The following RNF38 variants were observed in gnomAD, a reference collection of about 807,000 sequenced individuals.
The protein encoded by RNF38 is E3 ubiquitin-protein ligase RNF38.
A neutral mutation model predicts 67.2 loss-of-function variants in RNF38; 15 were observed. The ratio of observed to expected loss-of-function variants is 0.22; its 90% CI spans 0.15 to 0.34. The LOEUF (loss-of-function observed/expected upper bound fraction) is 0.34, where lower values mean the gene tolerates loss of function less well. Among genes scored for constraint, RNF38 ranks in the 10% least tolerant of loss-of-function variants. The pLI is 1.00. For missense variants in RNF38, 524 were observed against 639.9 expected (o/e 0.82, Z 1.95); for synonymous variants, 220 against 218.8 (o/e 1.01, Z -0.05).
intron 10 of RNF38, among the ~76,000 whole-genome samples, chr9:36,344,584 C>T (rs944535199): frequency 6.6e-6 from 1 of 152,196 alleles, no homozygotes; most frequent in Non-Finnish European, 1.5e-5. Context: ...AACACAGCAG[C>T]TATTAGCTAG....
At chr9:36,466,148 G>A (rs1839857841) in intron 1 of RNF38, among the ~76,000 whole-genome samples, 1 of 152,230 alleles carries the variant, frequency 6.6e-6, no homozygotes, top group African/African-American at 2.4e-5. Context: ...AGCCAGTACT[G>A]TTCATAAAAG....
intron 4 of RNF38, among the ~76,000 whole-genome samples, chr9:36,358,930 G>C (rs184881310): frequency 6.6e-6 from 1 of 152,196 alleles, no homozygotes; most frequent in African/African-American, 2.4e-5. Flanking sequence ...AGAATCACTT[G>C]AACCTGGGAG....
intron 2 of RNF38, among the ~76,000 whole-genome samples, chr9:36,412,702 T>A (rs922010924): frequency 6.6e-6 from 1 of 152,162 alleles, no homozygotes; most frequent in African/African-American, 2.4e-5. Flanking sequence ...CACTTTGGGA[T>A]GCCGAGGTGG....
chr9:36,412,236 T>C (rs1034286402), intron 2 of RNF38, among the ~76,000 whole-genome samples: 1 of 152,214 alleles, frequency 6.6e-6, no homozygotes, highest in Non-Finnish European at 1.5e-5. Flanking sequence ...TGCTTACAAA[T>C]ATCAGCCTTT....
chr9:36,363,669 A>G lies in RNF38; in HGVS notation c.571-5727T>C. Among the ~76,000 whole-genome samples, 2 of 100,018 alleles carry G rather than the reference A, an allele frequency of 2.0e-5. 1 individual carries two copies. Among genetic ancestry groups the G allele is most frequent in the Non-Finnish European group, 5.2e-5 (2 of 38,632 alleles). The allele number at this position is 100,018 out of a possible 152,430, so 65.6% of individuals were successfully genotyped here. A position where few individuals can be genotyped will look rare whatever the true frequency, so the allele number is the denominator to read the frequency against. On this transcript the variant is annotated intron_variant, in intron 4 of 11. Coordinates refer to ENST00000259605, the MANE Select transcript of RNF38 (RefSeq NM_022781.5). Reference sequence around the variant, plus strand: ...GATTTCATTGTTGTACTAACATCATAGAGTGTACTTATACAAACCAAGATG... The same window carrying G: ...GATTTCATTGTTGTACTAACATCATGGAGTGTACTTATACAAACCAAGATG...
chr9:36,396,647 T>TA (rs1331694432), intron 1 of RNF38, among the ~76,000 whole-genome samples: 4 of 152,080 alleles, frequency 2.6e-5, no homozygotes, highest in Non-Finnish European at 5.9e-5. Flanking sequence ...TGTGCACGCT[T>TA]AGAGTTATGC....
At chr9:36,406,812 G>T (rs1480974607) in intron 2 of RNF38, among the ~76,000 whole-genome samples, 1 of 152,202 alleles carries the variant, frequency 6.6e-6, no homozygotes, top group Non-Finnish European at 1.5e-5. Context: ...TAGCTTTGCT[G>T]TCATCCCTAA....
chr9:36,465,665 TC>T, intron 1 of RNF38, among the ~76,000 whole-genome samples: 1 of 152,198 alleles, frequency 6.6e-6, no homozygotes, highest in East Asian at 1.9e-4. Flanking sequence ...TTATTCATAA[TC>T]ATCCAAAATA....
intron 3 of RNF38, among the ~76,000 whole-genome samples, chr9:36,375,456 T>C (rs1355704936): frequency 6.6e-6 from 1 of 152,150 alleles, no homozygotes; most frequent in African/African-American, 2.4e-5. Flanking sequence ...CTTCCCAAAA[T>C]GTTGCGATTA....
rs1250444215 is a variant in RNF38 at position 36,376,083 on chromosome 9, T to C, written c.207A>G (p.Ser69=). Residue 69 remains serine, a synonymous_variant, in exon 3 of 12, where the codon TCA becomes TCG. Transcript: ENST00000259605. ...GTGATGCTGATGTATAATCAAAGAC[T>C]GAATGAGAGAGGCGCTGTCTCTTAG... is the stretch of plus-strand genomic sequence containing the variant. ...PSPKRQRLSH[S]VFDYTSASPA... 5 of 1,609,784 alleles carry C rather than the reference T, an allele frequency of 3.1e-6. No homozygotes were observed. The highest frequency in any genetic ancestry group is 2.2e-5 in the South Asian group (2 of 90,078).
At chr9:36,479,973 G>A (rs960538439) in intron 1 of RNF38, among the ~76,000 whole-genome samples, 4 of 151,614 alleles carry the variant, frequency 2.6e-5, no homozygotes, top group African/African-American at 9.7e-5. Context: ...CTGTAAATGT[G>A]AATTTTTATT....
chr9:36,476,519 C>CTTTTTT (rs67780076), intron 1 of RNF38, among the ~76,000 whole-genome samples: 1 of 94,116 alleles, frequency 1.1e-5, no homozygotes, highest in Admixed American at 1.2e-4. Context: ...ATCGGGCAAT[C>CTTTTTT]TTTTTTTTTT....
At chr9:36,378,631 G>A (rs917005590) in intron 2 of RNF38, among the ~76,000 whole-genome samples, 4 of 152,102 alleles carry the variant, frequency 2.6e-5, no homozygotes, top group African/African-American at 9.7e-5. Context: ...AAATGGAGGC[G>A]AATGCTACAG....
chr9:36,361,972 T>C (rs148118947), intron 4 of RNF38, among the ~76,000 whole-genome samples: 1 of 152,312 alleles, frequency 6.6e-6, no homozygotes, highest in Non-Finnish European at 1.5e-5. Context: ...AACTACTGCT[T>C]GGCTGACACC....
chr9:36,357,951 G>GA lies in RNF38; in HGVS notation c.571-10dup, dbSNP rs1244290095. On this transcript the variant is annotated splice_polypyrimidine_tract_variant and intron_variant, in intron 4 of 11. Transcript: ENST00000259605. ...ACTGTTCCTTGATGGAGCTTTAAAG[G>GA]AAAAAACAAATGAACAAACTTTAGC... 2 of 1,602,110 alleles carry GA rather than the reference G, an allele frequency of 1.2e-6. No individual in the cohort carries two copies. Among genetic ancestry groups the GA allele is most frequent in the Admixed American group, 3.4e-5 (2 of 58,468 alleles).
chr9:36,392,685 A>G (rs1179551957), intron 1 of RNF38, among the ~76,000 whole-genome samples: 1 of 152,216 alleles, frequency 6.6e-6, no homozygotes, highest in Non-Finnish European at 1.5e-5. Flanking sequence ...GCTTCACTCG[A>G]GCCCAGTAGT....
chr9:36,361,784 T>C (rs1174832931), intron 4 of RNF38, among the ~76,000 whole-genome samples: 1 of 152,168 alleles, frequency 6.6e-6, no homozygotes, highest in Non-Finnish European at 1.5e-5. Flanking sequence ...AAAAGCTACT[T>C]GATGCTAGAT....
chr9:36,422,616 T>C (rs1291524888), intron 2 of RNF38, among the ~76,000 whole-genome samples: 1 of 152,250 alleles, frequency 6.6e-6, no homozygotes, highest in Non-Finnish European at 1.5e-5. Flanking sequence ...GAATAAATTC[T>C]AAATACATAG....
rs142995686 is a variant in RNF38 at position 36,369,498 on chromosome 9, T to C, written c.570+221A>G. 6.9e-3 allele frequency among the ~76,000 whole-genome samples: 1,052 copies of C among 152,300 alleles called. 14 individuals carry two copies. Among genetic ancestry groups the C allele is most frequent in the African/African-American group, 0.024 (986 of 41,576 alleles). Reference sequence around the variant, plus strand: ...TCCCAAAGTGCTGGGATTACAGGCATGAGCCACCGTGCTGGGCCGATACTA... The same window carrying C: ...TCCCAAAGTGCTGGGATTACAGGCACGAGCCACCGTGCTGGGCCGATACTA... On this transcript the variant is annotated intron_variant, in intron 4 of 11. Coordinates refer to ENST00000259605, the MANE Select transcript of RNF38 (RefSeq NM_022781.5).
Sources: allele counts gnomAD v4.1 joint callset (sites outside exome capture counted in the v4.1 genomes callset), GRCh38; gene constraint gnomAD v4.1.1; transcripts MANE v1.5; gene names NCBI Gene and HGNC (gene_info 2026-07-23, HGNC 2026-07-21).